KITLG: variants seen among roughly 807,000 people sequenced by gnomAD.
The protein encoded by KITLG is KIT ligand.
Under a neutral mutation model 34.1 loss-of-function variants are expected in KITLG, and 13 were observed. The observed-to-expected ratio is 0.38, with a 90% CI of 0.25 to 0.61. KITLG has a LOEUF of 0.61. Among genes scored for constraint, KITLG ranks in the 20% least tolerant of loss-of-function variants. KITLG has a pLI of 0.60. For synonymous variants in KITLG, 110 were observed against 104.0 expected, an observed-to-expected ratio of 1.06 and a Z score of -0.35; for missense variants, 292 against 318.9, an observed-to-expected ratio of 0.92 and a Z score of 0.64.
In KITLG at chr12:88,545,800, C is replaced by A. The variant is rs1377370930; in HGVS notation, c.81G>T (p.Gly27=). Residue 27 remains glycine (G), a synonymous_variant, in exon 2 of 10, where the codon GGG becomes GGT. Transcript: ENST00000644744. ...LLFNPLVKTE[G]ICRNRVTNNV... ...TATTAGTCACACGATTCCTGCAGAT[C>A]CCTTCAGTTTTGACGAGAGGATTAA... 6.2e-7 allele frequency: 1 copy of A among 1,612,122 alleles called. No individual in the cohort carries two copies. Among genetic ancestry groups the A allele is most frequent in the Non-Finnish European group, 8.5e-7 (1 of 1,178,418 alleles).
At chr12:88,533,538 T>C (rs11104934) in intron 2 of KITLG, among the ~76,000 whole-genome samples, 12,825 of 152,220 alleles carry the variant, frequency 0.084, 571 homozygotes, top group Non-Finnish European at 0.1. Context: ...CCTTCTCTTA[T>C]GTCACCATTA....
At chr12:88,563,488 AT>A (rs567954061) in intron 1 of KITLG, among the ~76,000 whole-genome samples, 42 of 152,324 alleles carry the variant, frequency 2.8e-4, no homozygotes, top group Non-Finnish European at 5.6e-4. Flanking sequence ...TCATGAGCTG[AT>A]TCAATGACAC....
intron 1 of KITLG, among the ~76,000 whole-genome samples, chr12:88,550,114 G>A (rs1021238288): frequency 2.0e-5 from 3 of 152,166 alleles, no homozygotes; most frequent in Non-Finnish European, 2.9e-5. Context: ...AGCAGGAGAT[G>A]AGATTAACCA....
At chr12:88,521,467 G>A (rs181376112) in intron 3 of KITLG, among the ~76,000 whole-genome samples, 1 of 152,086 alleles carries the variant, frequency 6.6e-6, no homozygotes, top group East Asian at 1.9e-4. Flanking sequence ...ATTTACAAAC[G>A]TACTTTTTGT....
intron 1 of KITLG, among the ~76,000 whole-genome samples, chr12:88,553,138 C>A (rs1451568709): frequency 6.6e-6 from 1 of 152,210 alleles, no homozygotes; most frequent in Non-Finnish European, 1.5e-5. Flanking sequence ...TTGACACTGA[C>A]TTTGAGTTCA....
chr12:88,554,670 T>C (rs1446199189), intron 1 of KITLG, among the ~76,000 whole-genome samples: 2 of 152,238 alleles, frequency 1.3e-5, no homozygotes, highest in African/African-American at 4.8e-5. Flanking sequence ...AAATAATCTA[T>C]GTAAACCAAC....
intron 6 of KITLG, among the ~76,000 whole-genome samples, chr12:88,510,629 A>C (rs1869241084): frequency 6.6e-6 from 1 of 152,198 alleles, no homozygotes; most frequent in African/African-American, 2.4e-5. Flanking sequence ...TCTTTTAAAC[A>C]TTCTCTTTGC....
At chr12:88,519,820 T>C (rs1236210191) in intron 3 of KITLG, among the ~76,000 whole-genome samples, 1 of 152,084 alleles carries the variant, frequency 6.6e-6, no homozygotes, top group Non-Finnish European at 1.5e-5. Flanking sequence ...AATGGGATCT[T>C]GCTTTGCTGC....
chr12:88,579,091 G>A (rs895030210), intron 1 of KITLG, among the ~76,000 whole-genome samples: 4 of 152,014 alleles, frequency 2.6e-5, no homozygotes, highest in South Asian at 2.1e-4. Context: ...TTACCACACC[G>A]GTACAAGGGG....
chr12:88,500,475 G>C (rs1252536401), intron 9 of KITLG, among the ~76,000 whole-genome samples: 1 of 152,154 alleles, frequency 6.6e-6, no homozygotes, highest in African/African-American at 2.4e-5. Context: ...TAAACAATTT[G>C]AGGACACAAC....
At chr12:88,503,992 A>G (rs1868956563) in intron 9 of KITLG, among the ~76,000 whole-genome samples, 1 of 152,148 alleles carries the variant, frequency 6.6e-6, no homozygotes, top group Non-Finnish European at 1.5e-5. Context: ...ACCTAAATAA[A>G]ATTGATTCCA....
At chr12:88,520,564 C>T (rs1295961455) in intron 3 of KITLG, among the ~76,000 whole-genome samples, 1 of 152,160 alleles carries the variant, frequency 6.6e-6, no homozygotes, top group Non-Finnish European at 1.5e-5. Flanking sequence ...TATGAGTATG[C>T]TTGCCTAGGA....
intron 2 of KITLG, among the ~76,000 whole-genome samples, chr12:88,540,349 A>T (rs910525944): frequency 1.3e-5 from 2 of 152,162 alleles, no homozygotes; most frequent in Non-Finnish European, 2.9e-5. Flanking sequence ...TTCCCAAGTG[A>T]TGATAATCAG....
intron 1 of KITLG, among the ~76,000 whole-genome samples, chr12:88,559,924 A>G (rs1197538252): frequency 6.6e-6 from 1 of 152,242 alleles, no homozygotes; most frequent in Non-Finnish European, 1.5e-5. Flanking sequence ...GTTCAATGAC[A>G]TGCCCAGGAC....
chr12:88,545,823 T>A lies in KITLG; in HGVS notation c.58A>T (p.Asn20Tyr), dbSNP rs777399875. 1 of 1,612,876 alleles carries A rather than the reference T, an allele frequency of 6.2e-7. No homozygotes were observed. The highest frequency in any genetic ancestry group is 1.7e-5 in the Admixed American group (1 of 60,012). The change falls in exon 2 of 10, where the codon AAT becomes TAT. Residue 20 changes from asparagine (N) to tyrosine (Y), a missense_variant. Asn to Tyr is a moderately radical substitution (Grantham distance 143). Transcript: ENST00000644744. Reference sequence around the variant, plus strand: ...ATCCCTTCAGTTTTGACGAGAGGATTAAATAGGAGCAGCTGAAGATAAATG... The same window carrying A: ...ATCCCTTCAGTTTTGACGAGAGGATAAAATAGGAGCAGCTGAAGATAAATG... ...TCIYLQLLLF[N>Y]PLVKTEGICR...
At chr12:88,550,871 T>A (rs1870890126) in intron 1 of KITLG, among the ~76,000 whole-genome samples, 1 of 152,248 alleles carries the variant, frequency 6.6e-6, no homozygotes, top group African/African-American at 2.4e-5. Flanking sequence ...CAAGTCATCA[T>A]AATTTTTAAT....
intron 3 of KITLG, among the ~76,000 whole-genome samples, chr12:88,526,686 T>A (rs1391226977): frequency 6.6e-6 from 1 of 152,026 alleles, no homozygotes. Context: ...AACAATTTGG[T>A]TTCATCAAAA....
intron 1 of KITLG, among the ~76,000 whole-genome samples, chr12:88,552,113 T>G (rs1333155105): frequency 6.6e-6 from 1 of 151,718 alleles, no homozygotes; most frequent in Non-Finnish European, 1.5e-5. Flanking sequence ...AGCAACATAG[T>G]CCAACTGATA....
rs1436744198 is a variant in KITLG, at chr12:88,565,015, T to C, written c.15+15249A>G. Among the ~76,000 whole-genome samples, 3 of 152,228 alleles carry C rather than the reference T, an allele frequency of 2.0e-5. No homozygotes were observed. The East Asian group carries it at 5.8e-4, about 29-fold the overall frequency. ...ACTTTCTTCCTCCACGCTTAATCTC[T>C]GATCTTATGTATTGAGACATTATTT... On this transcript the variant is annotated intron_variant, in intron 1 of 9. Coordinates refer to ENST00000644744, the MANE Select transcript of KITLG (RefSeq NM_000899.5).
Sources: gnomAD v4.1 joint callset for allele counts (sites outside exome capture counted in the v4.1 genomes callset) on GRCh38, gnomAD v4.1.1 for gene constraint, MANE v1.5 for transcripts, NCBI Gene and HGNC (gene_info 2026-07-23, HGNC 2026-07-21) for gene names.